ANKFN1: variants seen among roughly 807,000 people sequenced by gnomAD.
The protein encoded by ANKFN1 is ankyrin repeat and fibronectin type-III domain-containing protein 1.
Under a neutral mutation model 108.7 loss-of-function variants are expected in ANKFN1, and 74 were observed. The observed-to-expected ratio is 0.68, with a 90% CI of 0.56 to 0.83. The LOEUF is 0.83. Ranked by LOEUF, ANKFN1 falls within the 40% of genes least tolerant of loss-of-function variation. The probability of loss-of-function intolerance (pLI) is 0.00; values close to 1 mark genes in which losing one functional copy is unlikely to be tolerated. For synonymous variants in ANKFN1, 547 were observed against 516.2 expected, an observed-to-expected ratio of 1.06 and a Z score of -0.81; for missense variants, 1,505 against 1,382.3, an observed-to-expected ratio of 1.09 and a Z score of -1.41.
chr17:56,422,616 G>A (rs1225888429), intron 8 of ANKFN1, among the ~76,000 whole-genome samples: 2 of 152,168 alleles, frequency 1.3e-5, no homozygotes, highest in East Asian at 1.9e-4. Context: ...ACCTTGAAGC[G>A]CAAGATCCTC....
chr17:56,277,923 T>C (rs16957039), intron 3 of ANKFN1, among the ~76,000 whole-genome samples: 10,207 of 152,236 alleles, frequency 0.067, 877 homozygotes, highest in African/African-American at 0.2. Context: ...CAGGTGACCT[T>C]TTCAATATAT....
At chr17:56,132,588 C>T (rs1907347535) in intron 4 of ANKFN1, among the ~76,000 whole-genome samples, 1 of 152,104 alleles carries the variant, frequency 6.6e-6, no homozygotes, top group Non-Finnish European at 1.5e-5. Flanking sequence ...AAAGTCATGC[C>T]TTAGTCGGTC....
At chr17:56,300,401 G>T (rs565608014) in intron 3 of ANKFN1, among the ~76,000 whole-genome samples, 1 of 152,282 alleles carries the variant, frequency 6.6e-6, no homozygotes, top group South Asian at 2.1e-4. Context: ...ACGTTGCCAA[G>T]TCCTTCTTTC....
At chr17:56,478,379 T>A (rs896301881) in intron 16 of ANKFN1, among the ~76,000 whole-genome samples, 11 of 152,120 alleles carry the variant, frequency 7.2e-5, no homozygotes, top group South Asian at 2.1e-4. Context: ...CAGGAATGGG[T>A]TTCATAGAGC....
chr17:56,399,259 G>C (rs528210644), intron 8 of ANKFN1, among the ~76,000 whole-genome samples: 2 of 152,032 alleles, frequency 1.3e-5, no homozygotes, highest in South Asian at 4.1e-4. Flanking sequence ...AAAATTTCTA[G>C]AATAAAACAT....
At chr17:56,434,035 AAACAAAAAAAAATTTAGGTAAGAGCCAT>A (rs1258486607) in intron 8 of ANKFN1, among the ~76,000 whole-genome samples, 10 of 152,254 alleles carry the variant, frequency 6.6e-5, no homozygotes, top group African/African-American at 2.2e-4. Context: ...GACTCCATCT[AAACAAAAAAAAATTTAGGTAAGAGCCAT>A]AATATAATAA....
At chr17:56,076,727 C>T (rs1047020359) in intron 4 of ANKFN1, among the ~76,000 whole-genome samples, 2 of 152,078 alleles carry the variant, frequency 1.3e-5, no homozygotes, top group African/African-American at 4.8e-5. Flanking sequence ...TTTTGTAATG[C>T]AACCAGCGTA....
At chr17:56,478,486 T>C (rs1375341915) in intron 16 of ANKFN1, among the ~76,000 whole-genome samples, 2 of 152,178 alleles carry the variant, frequency 1.3e-5, no homozygotes, top group African/African-American at 4.8e-5. Context: ...ACAACCCTTA[T>C]AATTCTCTAT....
chr17:56,452,602 A>T (rs2049528351), intron 11 of ANKFN1, among the ~76,000 whole-genome samples: 1 of 152,148 alleles, frequency 6.6e-6, no homozygotes, highest in Non-Finnish European at 1.5e-5. Flanking sequence ...TCTGCATGTT[A>T]TTACACCCAA....
At chr17:56,339,355 T>C (rs1379324859) in intron 4 of ANKFN1, among the ~76,000 whole-genome samples, 4 of 152,084 alleles carry the variant, frequency 2.6e-5, no homozygotes, top group Non-Finnish European at 4.4e-5. Context: ...AGGTTTGTTA[T>C]ATAGGTAAAC....
At chr17:56,261,787 G>A (rs1304570780) in intron 3 of ANKFN1, among the ~76,000 whole-genome samples, 3 of 152,174 alleles carry the variant, frequency 2.0e-5, no homozygotes, top group African/African-American at 7.2e-5. Flanking sequence ...CTGAGAGTGG[G>A]TCTGCATCTC....
chr17:56,080,497 G>C (rs1905232588), intron 4 of ANKFN1, among the ~76,000 whole-genome samples: 5 of 152,214 alleles, frequency 3.3e-5, no homozygotes. Context: ...AGAGAAGCTT[G>C]TCCAAGATAA....
At chr17:56,265,010 T>A (rs549888120) in intron 3 of ANKFN1, among the ~76,000 whole-genome samples, 2 of 152,268 alleles carry the variant, frequency 1.3e-5, no homozygotes, top group South Asian at 4.1e-4. Context: ...ATACCCACTC[T>A]GAAAAGTCCC....
Position 56,374,602 on chromosome 17 carries a change from A to G in ANKFN1, c.798A>G (p.Arg266=). Residue 266 remains arginine (R), a splice_region_variant and synonymous_variant, in exon 8 of 21, where the codon AGA becomes AGG. Transcript: ENST00000682825. ...RRMKTGFEHA[R]APEMPTNVCL... is the part of the protein sequence containing the mutation. ...CTTGTGTTTTTCCTTCTGTCCCAGG[A>G]GCCCCTGAGATGCCAACCAATGTCT... 2 of 1,611,568 alleles carry G rather than the reference A, an allele frequency of 1.2e-6. 1 individual carries two copies. Among genetic ancestry groups the G allele is most frequent in the Non-Finnish European group, 1.7e-6 (2 of 1,177,880 alleles).
At chr17:56,323,768 A>C (rs1345290156) in intron 3 of ANKFN1, among the ~76,000 whole-genome samples, 1 of 152,204 alleles carries the variant, frequency 6.6e-6, no homozygotes, top group Non-Finnish European at 1.5e-5. Context: ...TATTTATTGA[A>C]TGCCTTCTAT....
intron 3 of ANKFN1, among the ~76,000 whole-genome samples, chr17:56,253,361 C>T (rs2043280983): frequency 6.6e-6 from 1 of 152,160 alleles, no homozygotes; most frequent in Non-Finnish European, 1.5e-5. Flanking sequence ...TCTATTAATT[C>T]AGCAGTGAAT....
intron 8 of ANKFN1, among the ~76,000 whole-genome samples, chr17:56,418,189 T>C (rs987099615): frequency 2.0e-5 from 3 of 152,194 alleles, no homozygotes; most frequent in Admixed American, 2.0e-4. Context: ...ATTTAAATAA[T>C]CGAAACTATT....
At chr17:56,220,426 G>A (rs1005252276) in intron 2 of ANKFN1, among the ~76,000 whole-genome samples, 3 of 152,092 alleles carry the variant, frequency 2.0e-5, no homozygotes, top group African/African-American at 4.8e-5. Flanking sequence ...GGCCAACTTG[G>A]CAGGTGGATG....
At position 56,511,239 on chromosome 17, in the gene ANKFN1, C is replaced by T. The variant is rs754577474; in HGVS notation, c.3411C>T (p.Pro1137=). Reference sequence around the variant, plus strand: ...GTCAGGAGGGCCCCACCGCCTCTCCCATGTCAGAAATACTCAGCAGCATGC... The same window carrying T: ...GTCAGGAGGGCCCCACCGCCTCTCCTATGTCAGAAATACTCAGCAGCATGC... ...DVSQEGPTAS[P]MSEILSSML Residue 1137 remains proline (P), a synonymous_variant, in exon 21 of 21, where the codon CCC becomes CCT. Coordinates refer to ENST00000682825, the MANE Select transcript of ANKFN1 (RefSeq NM_001370326.1). 1 of 1,532,088 alleles carries T rather than the reference C, an allele frequency of 6.5e-7. No homozygotes were observed. The highest frequency in any genetic ancestry group is 1.4e-5 in the African/African-American group (1 of 73,120). 94.9% of individuals were successfully genotyped at this position (1,532,088 alleles called of 1,614,324 possible).
Sources: allele counts gnomAD v4.1 joint callset (sites outside exome capture counted in the v4.1 genomes callset), GRCh38; gene constraint gnomAD v4.1.1; transcripts MANE v1.5; gene names NCBI Gene and HGNC (gene_info 2026-07-23, HGNC 2026-07-21).